Variants in USF1 observed in about 807,000 individuals in gnomAD.
The protein encoded by USF1 is upstream transcription factor 1, also known as upstream stimulatory factor 1.
In USF1, 22 loss-of-function variants were observed where a neutral mutation model predicts 46.3. That is an observed-to-expected ratio of 0.47 (90% CI 0.34 to 0.68). USF1 has a LOEUF of 0.68. USF1 is among the 30% of genes least tolerant of loss of function. The probability of loss-of-function intolerance (pLI) is 0.01; values close to 1 mark genes in which losing one functional copy is unlikely to be tolerated. For synonymous variants in USF1, 150 were observed against 147.0 expected, an observed-to-expected ratio of 1.02 and a Z score of -0.15; for missense variants, 287 against 399.3, an observed-to-expected ratio of 0.72 and a Z score of 2.40.
Position 161,041,721 on chromosome 1 carries a change from C to T in USF1, c.402G>A (p.Gly134=), listed in dbSNP as rs1468476626. The part of the protein sequence containing the change: ...VGDGAGGTTS[G]STAAVVTTQG... ...GGGTAGTAACAACAGCAGCTGTACT[C>T]CCCGATGTGGTACCCCCTGCCCCAT... The change falls in exon 6 of 11, where the codon GGG becomes GGA. Residue 134 remains glycine, a synonymous_variant. Coordinates refer to ENST00000368021, the MANE Select transcript of USF1 (RefSeq NM_007122.5). 1.9e-6 allele frequency: 3 copies of T among 1,613,974 alleles called. No individual in the cohort carries two copies. Among genetic ancestry groups the T allele is most frequent in the Admixed American group, 1.7e-5 (1 of 60,000 alleles).
Position 161,043,304 on chromosome 1 carries a change from C to T in USF1, c.-29G>A. On this transcript the variant is annotated 5_prime_UTR_variant, in exon 2 of 11. Coordinates refer to ENST00000368021, the MANE Select transcript of USF1 (RefSeq NM_007122.5). ...TCTGTGAGGGGGCACATCCGAGGAA[C>T]TGGTCCTTTTTTGGAGGTCTTTGTA... The T allele has an allele frequency of 6.2e-7, 1 of 1,614,214 alleles. No individual in the cohort carries two copies. Among genetic ancestry groups the T allele is most frequent in the Non-Finnish European group, 8.5e-7 (1 of 1,180,026 alleles).
In USF1 at chr1:161,041,957, G is replaced by A. The variant is rs942475608; in HGVS notation, c.277-111C>T. ...GTGGTAGGTAGGGTGGAGAGAGAGA[G>A]AGAGAGAGAGAGAAACATCCAGAAA... On this transcript the variant is annotated intron_variant, in intron 5 of 10. Coordinates refer to ENST00000368021, the MANE Select transcript of USF1 (RefSeq NM_007122.5). 1.4e-5 allele frequency: 18 copies of A among 1,331,918 alleles called. No homozygotes were observed. In the African/African-American group the frequency reaches 2.5e-4, roughly 18 times the overall value. The allele number at this position is 1,331,918 out of a possible 1,614,324, so 82.5% of individuals were successfully genotyped here.
At chr1:161,042,474 G>T in intron 4 of USF1, 81 bp downstream of exon 4, 1 of 1,483,630 alleles carries the variant, frequency 6.7e-7, no homozygotes, top group Non-Finnish European at 9.3e-7. Context: ...CTCCAAGCCA[G>T]GTCTCCCCAA....
At position 161,040,572 on chromosome 1, in the gene USF1, T is replaced by C; in HGVS notation, c.714+4A>G. On this transcript the variant is annotated splice_donor_region_variant and intron_variant, in intron 9 of 10. Transcript: ENST00000368021. The surrounding 1 kb of genome is among the most constrained non-coding windows in gnomAD (Gnocchi z 4.0). Reference sequence around the variant, plus strand: ...CCTGCCCACTACCAGGGTCTTTCCATGACCTGGCCAGACTTGGTGCTCTCC... The same window carrying C: ...CCTGCCCACTACCAGGGTCTTTCCACGACCTGGCCAGACTTGGTGCTCTCC... 6.2e-7 allele frequency: 1 copy of C among 1,611,652 alleles called. No individual in the cohort carries two copies. Among genetic ancestry groups the C allele is most frequent in the Non-Finnish European group, 8.5e-7 (1 of 1,179,340 alleles).
At chr1:161,041,920 C>A in intron 5 of USF1, 74 bp from the exon 6 acceptor site, 1 of 1,484,186 alleles carries the variant, frequency 6.7e-7, no homozygotes. Flanking sequence ...TCTGCAGCTT[C>A]TATCCGTTGG....
intron 7 of USF1, 41 bp downstream of exon 7, chr1:161,041,283 A>G: frequency 1.4e-6 from 2 of 1,461,066 alleles, no homozygotes; most frequent in Non-Finnish European, 1.9e-6. Flanking sequence ...AAAAAAAAAA[A>G]AACCACTTAC....
rs34768851 is a variant in USF1 at position 161,040,096 on chromosome 1, G to A, written c.844-87C>T. The A allele has an allele frequency of 4.4e-5, 71 of 1,609,644 alleles. No individual in the cohort carries two copies. In the East Asian group the frequency reaches 1.6e-3, roughly 36 times the overall value. On this transcript the variant is annotated intron_variant, in intron 10 of 10. Coordinates refer to ENST00000368021, the MANE Select transcript of USF1 (RefSeq NM_007122.5). This position sits in a 1 kb window ranked among gnomAD's most constrained non-coding sequence, Gnocchi z 4.0. Reference sequence around the variant, plus strand: ...AATGTATTCAGACATCCACTGGTGAGGGGGAAAAGATGAAGCCTTCTCCAT... The same window carrying A: ...AATGTATTCAGACATCCACTGGTGAAGGGGAAAAGATGAAGCCTTCTCCAT...
chr1:161,040,118 C>T lies in USF1; in HGVS notation c.843+84G>A. ...TGAGGGGGAAAAGATGAAGCCTTCT[C>T]CATGGAGAACAAAGTAGAGGGTGTC... On this transcript the variant is annotated intron_variant, in intron 10 of 10. Transcript: ENST00000368021. This position sits in a 1 kb window ranked among gnomAD's most constrained non-coding sequence, Gnocchi z 4.0. 1.9e-6 allele frequency: 3 copies of T among 1,609,556 alleles called. No homozygotes were observed. The highest frequency in any genetic ancestry group is 2.5e-6 in the Non-Finnish European group (3 of 1,176,978).
chr1:161,042,696 T>C (rs1248847739), intron 3 of USF1, 26 bp from the exon 4 acceptor site: 1 of 1,613,630 alleles, frequency 6.2e-7, no homozygotes, highest in Non-Finnish European at 8.5e-7. Flanking sequence ...AAAGGAAAAG[T>C]CTGTGAGTTA....
Position 161,040,494 on chromosome 1 carries a change from G to A in USF1, c.714+82C>T. On this transcript the variant is annotated intron_variant, in intron 9 of 10. Transcript: ENST00000368021. The surrounding 1 kb of genome is among the most constrained non-coding windows in gnomAD (Gnocchi z 4.0). ...GAGAGATAAGACTACTGTCATGTGT[G>A]CCCCTCTCTCTACCATTTCTGGAAA... 6.4e-7 allele frequency: 1 copy of A among 1,563,408 alleles called. No homozygotes were observed. Among genetic ancestry groups the A allele is most frequent in the East Asian group, 2.2e-5 (1 of 44,456 alleles).
intron 1 of USF1, among the ~76,000 whole-genome samples, 181 bp from the exon 2 acceptor site, chr1:161,043,541 AAT>A (rs1571051373): frequency 6.6e-6 from 1 of 152,140 alleles, no homozygotes; most frequent in East Asian, 1.9e-4. Flanking sequence ...CAAGGCTACA[AAT>A]AGTGTTCCCC....
Position 161,039,272 on chromosome 1 carries a change from T to TAAAAAAAAAA in USF1, c.*638_*647dup, listed in dbSNP as rs748404757. 1.2e-4 allele frequency: 7 copies of TAAAAAAAAAA among 59,214 alleles called. No individual in the cohort carries two copies. The highest frequency in any genetic ancestry group is 2.1e-4 in the African/African-American group (3 of 14,108). The allele number at this position is 59,214 out of a possible 1,614,324, so 3.7% of individuals were successfully genotyped here. A position where few individuals can be genotyped will look rare whatever the true frequency, so the allele number is the denominator to read the frequency against. ...ACTGTGGCTTTGAACAATTTTATCT[T>TAAAAAAAAAA]AAAAAAAAAAAAAAAAAAAAAAAAA... On this transcript the variant is annotated 3_prime_UTR_variant, in exon 11 of 11. Transcript: ENST00000368021.
At chr1:161,041,935 G>C (rs1650581333) in intron 5 of USF1, 89 bp from the exon 6 acceptor site, 1 of 1,401,374 alleles carries the variant, frequency 7.1e-7, no homozygotes, top group African/African-American at 1.4e-5. Flanking sequence ...CGTTGGGGTG[G>C]TAGGTAGGGT....
At position 161,042,678 on chromosome 1, in the gene USF1, A is replaced by T. The variant is rs1468462835; in HGVS notation, c.59-8T>A. 1 of 1,614,172 alleles carries T rather than the reference A, an allele frequency of 6.2e-7. No individual in the cohort carries two copies. Among genetic ancestry groups the T allele is most frequent in the African/African-American group, 1.3e-5 (1 of 75,062 alleles). ...CCCCAGTAGCCACTGCACCTGAATT[A>T]AAAGAACAAAGGAAAAGTCTGTGAG... On this transcript the variant is annotated splice_polypyrimidine_tract_variant and splice_region_variant and intron_variant, in intron 3 of 10. Coordinates refer to ENST00000368021, the MANE Select transcript of USF1 (RefSeq NM_007122.5).
At chr1:161,045,496 C>G (rs998829482) in intron 1 of USF1, among the ~76,000 whole-genome samples, 2 of 152,228 alleles carry the variant, frequency 1.3e-5, no homozygotes, top group Admixed American at 1.3e-4. Flanking sequence ...GCCCGCCAGG[C>G]GCGAGCCCGG....
rs368640282 is a variant in USF1, at chr1:161,041,697, G to A, written c.426C>T (p.Thr142=). Residue 142 remains threonine (T), a synonymous_variant, in exon 6 of 11, where the codon ACC becomes ACT. Transcript: ENST00000368021. The part of the protein sequence containing the change: ...TSGSTAAVVT[T]QGSEALLGQA... Reference sequence around the variant, plus strand: ...GCCCCAGCAGTGCCTCTGAGCCCTGGGTAGTAACAACAGCAGCTGTACTCC... The same window carrying A: ...GCCCCAGCAGTGCCTCTGAGCCCTGAGTAGTAACAACAGCAGCTGTACTCC... 6 of 1,613,668 alleles carry A rather than the reference G, an allele frequency of 3.7e-6. No homozygotes were observed. The African/African-American group carries it at 6.7e-5, about 18-fold the overall frequency.
chr1:161,041,720 T>C lies in USF1; in HGVS notation c.403A>G (p.Ser135Gly). 4 of 1,614,034 alleles carry C rather than the reference T, an allele frequency of 2.5e-6. No homozygotes were observed. Among genetic ancestry groups the C allele is most frequent in the Non-Finnish European group, 3.4e-6 (4 of 1,179,968 alleles). ...TGGGTAGTAACAACAGCAGCTGTAC[T>C]CCCCGATGTGGTACCCCCTGCCCCA... The part of the protein sequence containing the change: ...GDGAGGTTSG[S>G]TAAVVTTQGS... The change falls in exon 6 of 11, where the codon AGT (serine) becomes GGT (glycine). Residue 135 changes from serine to glycine, a missense_variant. Coordinates refer to ENST00000368021, the MANE Select transcript of USF1 (RefSeq NM_007122.5).
rs1428034610 is a variant in USF1, at chr1:161,040,736, A to G, written c.620-66T>C. 1 of 1,612,924 alleles carries G rather than the reference A, an allele frequency of 6.2e-7. No homozygotes were observed. Among genetic ancestry groups the G allele is most frequent in the East Asian group, 2.2e-5 (1 of 44,838 alleles). ...TCGCCACAAGTCCCAGGGTAAAATT[A>G]CCTAATCCCTCCTCCCCTCAGACAT... On this transcript the variant is annotated intron_variant, in intron 8 of 10. Transcript: ENST00000368021. The surrounding 1 kb of genome is among the most constrained non-coding windows in gnomAD (Gnocchi z 4.0).
intron 2 of USF1, 57 bp downstream of exon 2, chr1:161,043,211 T>C: frequency 6.2e-7 from 1 of 1,614,036 alleles, no homozygotes; most frequent in East Asian, 2.2e-5. Flanking sequence ...CTTGGTCATT[T>C]TGCATTCTTC....
Sources: allele counts gnomAD v4.1 joint callset (sites outside exome capture counted in the v4.1 genomes callset), GRCh38; gene constraint gnomAD v4.1.1; non-coding constraint Gnocchi (gnomAD v3.1); transcripts MANE v1.5; gene names NCBI Gene and HGNC (gene_info 2026-07-23, HGNC 2026-07-21).